CSMD1: variants seen among roughly 807,000 people sequenced by gnomAD.
CSMD1 encodes the protein CUB and sushi domain-containing protein 1.
A neutral mutation model predicts 417.5 loss-of-function variants in CSMD1; 213 were observed. That is an observed-to-expected ratio of 0.51 (90% CI 0.46 to 0.57). The LOEUF (loss-of-function observed/expected upper bound fraction) is 0.57, where lower values mean the gene tolerates loss of function less well. CSMD1 is among the 20% of genes least tolerant of loss of function. The pLI is 0.00. For synonymous variants in CSMD1, 2,862 were observed against 1,736.8 expected (o/e 1.65, Z -16.11); for missense variants, 6,923 against 4,529.7 (o/e 1.53, Z -15.17).
intron 7 of CSMD1, among the ~76,000 whole-genome samples, chr8:3,693,491 C>A (rs2624067): frequency 6.6e-6 from 1 of 152,070 alleles, no homozygotes; most frequent in Non-Finnish European, 1.5e-5. Flanking sequence ...CAAATTATGG[C>A]AGCAGGCAGC....
intron 26 of CSMD1, among the ~76,000 whole-genome samples, chr8:3,249,306 C>G (rs1426287006): frequency 1.3e-5 from 2 of 152,144 alleles, no homozygotes; most frequent in Non-Finnish European, 2.9e-5. Flanking sequence ...ACTGCAACCT[C>G]TGCCTCCTGG....
At chr8:4,966,097 C>A (rs1380581067) in intron 1 of CSMD1, among the ~76,000 whole-genome samples, 1 of 151,536 alleles carries the variant, frequency 6.6e-6, no homozygotes, top group Non-Finnish European at 1.5e-5. Flanking sequence ...GGTGTGATGG[C>A]TCACTTCTGT....
intron 5 of CSMD1, among the ~76,000 whole-genome samples, chr8:3,990,870 C>T (rs1336173740): frequency 1.3e-5 from 2 of 152,094 alleles, no homozygotes; most frequent in Non-Finnish European, 2.9e-5. Flanking sequence ...TCACAGAGAG[C>T]CACCTTCTTT....
chr8:3,903,329 TA>T (rs34629798), intron 5 of CSMD1, among the ~76,000 whole-genome samples: 140,698 of 150,274 alleles, frequency 0.94, 65,968 homozygotes, highest in Middle Eastern at 0.98. Flanking sequence ...TCTGTCCAGC[TA>T]AAAAAAAAAA....
chr8:3,876,427 G>C (rs933073792), intron 5 of CSMD1, among the ~76,000 whole-genome samples: 1 of 152,124 alleles, frequency 6.6e-6, no homozygotes, highest in Non-Finnish European at 1.5e-5. Flanking sequence ...TAGAAGCCTG[G>C]AGACACCATT....
At chr8:4,120,743 G>C (rs1300168205) in intron 3 of CSMD1, among the ~76,000 whole-genome samples, 1 of 152,214 alleles carries the variant, frequency 6.6e-6, no homozygotes, top group African/African-American at 2.4e-5. Flanking sequence ...GTCAGGCTCA[G>C]AATGTGTCTT....
chr8:2,935,893 G>T lies in CSMD1; in HGVS notation c.*2692C>A, dbSNP rs369257835. 2.0e-5 allele frequency: 3 copies of T among 152,180 alleles called. No homozygotes were observed. Among genetic ancestry groups the T allele is most frequent in the African/African-American group, 7.2e-5 (3 of 41,440 alleles). 9.4% of individuals were successfully genotyped at this position (152,180 alleles called of 1,614,324 possible). A position where few individuals can be genotyped will look rare whatever the true frequency, so the allele number is the denominator to read the frequency against. ...AAGGCAAGATGTGTGTGTAAAACAA[G>T]CAGCAGTTTTAAACAGCTCTGAAGC... On this transcript the variant is annotated 3_prime_UTR_variant, in exon 70 of 70. Coordinates refer to ENST00000635120, the MANE Select transcript of CSMD1 (RefSeq NM_033225.6).
At chr8:4,739,476 T>C (rs1006679258) in intron 1 of CSMD1, among the ~76,000 whole-genome samples, 2 of 152,202 alleles carry the variant, frequency 1.3e-5, no homozygotes, top group Admixed American at 6.5e-5. Context: ...TTGAATTTGT[T>C]GTAATGATAG....
chr8:4,571,526 T>C (rs367827537), intron 2 of CSMD1, among the ~76,000 whole-genome samples: 9 of 152,344 alleles, frequency 5.9e-5, no homozygotes, highest in Non-Finnish European at 8.8e-5. Flanking sequence ...ATGATTTATG[T>C]TCCTTTACAT....
At chr8:4,069,303 T>C (rs2552113) in intron 3 of CSMD1, among the ~76,000 whole-genome samples, 17,646 of 152,220 alleles carry the variant, frequency 0.12, 1,344 homozygotes, top group South Asian at 0.37. Context: ...TTTTTGACCA[T>C]TTTTAAAAAC....
rs545762589 is a variant in CSMD1, at chr8:4,417,485, G to A, written c.415+2468C>T. ...CAATTAAAATTTTATGCAGCAGTCT[G>A]TTAATACTACCACAATTCCATGTTT... On this transcript the variant is annotated intron_variant, in intron 3 of 69. Transcript: ENST00000635120. Among the ~76,000 whole-genome samples, 3 of 152,112 alleles carry A rather than the reference G, an allele frequency of 2.0e-5. No individual in the cohort carries two copies. The South Asian group carries it at 6.2e-4, about 32-fold the overall frequency.
chr8:3,268,940 G>C (rs1563206376), intron 26 of CSMD1, among the ~76,000 whole-genome samples: 1 of 152,152 alleles, frequency 6.6e-6, no homozygotes, highest in Non-Finnish European at 1.5e-5. Flanking sequence ...TTTATAGAAA[G>C]AAGCTGATAT....
intron 2 of CSMD1, among the ~76,000 whole-genome samples, chr8:4,464,289 T>C (rs560344465): frequency 9.2e-5 from 14 of 152,144 alleles, no homozygotes; most frequent in African/African-American, 2.4e-4. Context: ...CATTATTATG[T>C]ATGCATGCAA....
chr8:3,450,460 C>A (rs943563516), intron 12 of CSMD1, among the ~76,000 whole-genome samples: 7 of 151,420 alleles, frequency 4.6e-5, no homozygotes, highest in South Asian at 2.1e-4. Flanking sequence ...ATCCCTCCCC[C>A]CTCCCCACAC....
At chr8:3,462,977 C>A (rs145596365) in intron 12 of CSMD1, among the ~76,000 whole-genome samples, 327 of 152,276 alleles carry the variant, frequency 2.1e-3, no homozygotes, top group African/African-American at 7.5e-3. Context: ...AGGCTTGTGG[C>A]CTTGCGCTGT....
At chr8:3,080,870 G>A (rs1049395145) in intron 49 of CSMD1, among the ~76,000 whole-genome samples, 2 of 152,142 alleles carry the variant, frequency 1.3e-5, no homozygotes, top group African/African-American at 4.8e-5. Flanking sequence ...CCCTCACAAT[G>A]TATCCTCCAA....
At chr8:4,635,267 T>G (rs544273368) in intron 2 of CSMD1, among the ~76,000 whole-genome samples, 131 of 152,286 alleles carry the variant, frequency 8.6e-4, no homozygotes, top group Middle Eastern at 3.4e-3. Flanking sequence ...AGGTATCAAT[T>G]TATTTACTGT....
intron 4 of CSMD1, among the ~76,000 whole-genome samples, chr8:4,001,250 A>T (rs773869483): frequency 6.6e-6 from 1 of 152,200 alleles, no homozygotes; most frequent in Non-Finnish European, 1.5e-5. Context: ...AACCTTGACC[A>T]GAAGTGAATT....
At chr8:4,449,787 C>T (rs1433352809) in intron 2 of CSMD1, among the ~76,000 whole-genome samples, 1 of 151,964 alleles carries the variant, frequency 6.6e-6, no homozygotes, top group Admixed American at 6.6e-5. Flanking sequence ...TATGTTTGGG[C>T]ATTTTTACAT....
Sources: gnomAD v4.1 joint callset for allele counts (sites outside exome capture counted in the v4.1 genomes callset) on GRCh38, gnomAD v4.1.1 for gene constraint, MANE v1.5 for transcripts, NCBI Gene and HGNC (gene_info 2026-07-23, HGNC 2026-07-21) for gene names.